Variants in SZT2 observed in about 807,000 individuals in gnomAD.
The protein encoded by SZT2 is SZT2 subunit of KICSTOR complex, also known as KICSTOR complex protein SZT2.
A neutral mutation model predicts 404.2 loss-of-function variants in SZT2; 216 were observed. The ratio of observed to expected loss-of-function variants is 0.53; its 90% CI spans 0.48 to 0.60. The LOEUF (loss-of-function observed/expected upper bound fraction) is 0.60. Ranked by LOEUF, SZT2 falls within the 20% of genes least tolerant of loss-of-function variation. The pLI is 0.00. For synonymous variants in SZT2, 1,693 were observed against 1,749.9 expected, an observed-to-expected ratio of 0.97 and a Z score of 0.81; for missense variants, 3,857 against 4,459.2, an observed-to-expected ratio of 0.86 and a Z score of 3.85.
chr1:43,415,156 C>T lies in SZT2; in HGVS notation c.573C>T (p.Cys191=), dbSNP rs948669800. Reference sequence around the variant, plus strand: ...TGCAGCAGATATATGAGCAGCTCTGCCTCTTTGAGGATAAGGTGGCCACCA... The same window carrying T: ...TGCAGCAGATATATGAGCAGCTCTGTCTCTTTGAGGATAAGGTGGCCACCA... ...VFLQQIYEQL[C]LFEDKVATML... is the part of the protein sequence containing the mutation. Residue 191 remains cysteine, a synonymous_variant, in exon 5 of 72, where the codon TGC becomes TGT. Transcript: ENST00000634258. 2.5e-6 allele frequency: 4 copies of T among 1,598,102 alleles called. No individual in the cohort carries two copies. The highest frequency in any genetic ancestry group is 3.4e-6 in the Non-Finnish European group (4 of 1,179,598).
Position 43,419,924 on chromosome 1 carries a change from T to C in SZT2, c.1070T>C (p.Leu357Pro). The change falls in exon 8 of 72, where the codon CTG (leucine) becomes CCG (proline). Residue 357 changes from leucine to proline, a missense_variant. This residue lies in a region of SZT2 where 536 missense variants were observed against 637.4 expected (regional missense o/e 0.84). Transcript: ENST00000634258. ...TCCTTCCTGCGCAGTGGGGAAGCAC[T>C]GAACCCTGAATATTACTGCGGTGAG... ...LYSFLRSGEALNPEYYCGSQH... is the reference protein window; with the variant it reads ...LYSFLRSGEAPNPEYYCGSQH... The C allele has an allele frequency of 1.3e-6, 2 of 1,598,274 alleles. No individual in the cohort carries two copies. Among genetic ancestry groups the C allele is most frequent in the Non-Finnish European group, 1.7e-6 (2 of 1,179,694 alleles).
chr1:43,439,832 G>GTA lies in SZT2; in HGVS notation c.7043-48_7043-47dup. ...TTGCTGTGGGAGGTAAGGGTGGTGA[G>GTA]TAGAGTGGGATCTAGGGACACCCTC... On this transcript the variant is annotated intron_variant, in intron 50 of 71. Transcript: ENST00000634258. This position sits in a 1 kb window ranked among gnomAD's most constrained non-coding sequence, Gnocchi z 4.2. The GTA allele has an allele frequency of 6.4e-7, 1 of 1,564,324 alleles. No homozygotes were observed. Among genetic ancestry groups the GTA allele is most frequent in the Non-Finnish European group, 8.7e-7 (1 of 1,153,692 alleles).
In SZT2 at chr1:43,419,883, G is replaced by C. The variant is rs1342301123; in HGVS notation, c.1029G>C (p.Arg343=). The C allele has an allele frequency of 6.3e-7, 1 of 1,598,416 alleles. No homozygotes were observed. The highest frequency in any genetic ancestry group is 8.5e-7 in the Non-Finnish European group (1 of 1,179,784). ...ACCTGGGTCTGACTGTCTACCACCGGGCATTTCTCCTCTATTCCTTCCTGC... is the reference window on the plus strand; with the variant it reads ...ACCTGGGTCTGACTGTCTACCACCGCGCATTTCTCCTCTATTCCTTCCTGC... ...PGNLGLTVYH[R]AFLLYSFLRS... The change falls in exon 8 of 72, where the codon CGG becomes CGC. Residue 343 remains arginine (R), a synonymous_variant. Coordinates refer to ENST00000634258, the MANE Select transcript of SZT2 (RefSeq NM_001365999.1).
In SZT2 at chr1:43,426,378, T is replaced by A; in HGVS notation, c.3054T>A (p.Gly1018=). ...GTGTGTGTCGGGCAGAGCCAGAGGG[T>A]GTCCCTTTCGCCGAGGGGTCCTGTC... ...FFLLLAREPE[G]VPFAEGSCPA... Residue 1018 remains glycine, a synonymous_variant, in exon 22 of 72, where the codon GGT becomes GGA. Transcript: ENST00000634258. This position sits in a 1 kb window ranked among gnomAD's most constrained non-coding sequence, Gnocchi z 4.9. 1 of 1,557,666 alleles carries A rather than the reference T, an allele frequency of 6.4e-7. No individual in the cohort carries two copies. The highest frequency in any genetic ancestry group is 8.6e-7 in the Non-Finnish European group (1 of 1,156,550).
intron 46 of SZT2, 120 bp downstream of exon 46, chr1:43,438,022 T>G: frequency 9.6e-7 from 1 of 1,047,088 alleles, no homozygotes; most frequent in Non-Finnish European, 1.4e-6. Flanking sequence ...GCCCAAGACC[T>G]GACACATGTT....
intron 15 of SZT2, 121 bp downstream of exon 15, chr1:43,423,437 T>C (rs1570634990): frequency 1.0e-6 from 1 of 975,216 alleles, no homozygotes; most frequent in Admixed American, 3.6e-5. Flanking sequence ...CTTAGTGGGG[T>C]ATGAGTGGTA....
chr1:43,390,080 G>C, intron 1 of SZT2, 85 bp downstream of exon 1: 1 of 1,335,406 alleles, frequency 7.5e-7, no homozygotes, highest in Non-Finnish European at 9.6e-7. Context: ...CCTCCTCTAG[G>C]TCTGGGGGTG....
chr1:43,437,451 AC>A lies in SZT2; in HGVS notation c.6235del (p.Arg2079GlyfsTer21). 1 of 1,614,076 alleles carries A rather than the reference AC, an allele frequency of 6.2e-7. No individual in the cohort carries two copies. Among genetic ancestry groups the A allele is most frequent in the Middle Eastern group, 1.6e-4 (1 of 6,062 alleles). ...RSVLNAFSVV[N>X]RKNMFVYQER... ...GTGCTCAATGCCTTCTCTGTGGTGAACCGGAAAAACATGTTTGTTTACCAGG... is the reference window on the plus strand; with the variant it reads ...GTGCTCAATGCCTTCTCTGTGGTGAACGGAAAAACATGTTTGTTTACCAGG... On this transcript the variant is annotated frameshift_variant, in exon 44 of 72. Transcript: ENST00000634258. LOFTEE classifies it high-confidence loss of function. This position sits in a 1 kb window ranked among gnomAD's most constrained non-coding sequence, Gnocchi z 5.3.
At chr1:43,392,928 T>C (rs1268069206) in intron 1 of SZT2, among the ~76,000 whole-genome samples, 1 of 152,208 alleles carries the variant, frequency 6.6e-6, no homozygotes, top group Non-Finnish European at 1.5e-5. Context: ...GGAGTCAGAA[T>C]TGTGCTAAGT....
intron 1 of SZT2, among the ~76,000 whole-genome samples, chr1:43,399,186 A>G (rs2153928664): frequency 6.6e-6 from 1 of 152,180 alleles, no homozygotes; most frequent in Non-Finnish European, 1.5e-5. Flanking sequence ...GTCCTGACTT[A>G]TAATTAATCA....
intron 35 of SZT2, 22 bp downstream of exon 35, chr1:43,431,545 C>A: frequency 6.2e-7 from 1 of 1,613,914 alleles, no homozygotes; most frequent in Non-Finnish European, 8.5e-7. Context: ...ACCCCCAACA[C>A]TGTAACTGAT....
Position 43,453,570 on chromosome 1 carries a change from C to G in SZT2, c.*3090C>G. 1 of 1,520,490 alleles carries G rather than the reference C, an allele frequency of 6.6e-7. No homozygotes were observed. Among genetic ancestry groups the G allele is most frequent in the Admixed American group, 2.1e-5 (1 of 47,668 alleles). The allele number at this position is 1,520,490 out of a possible 1,614,324, so 94.2% of individuals were successfully genotyped here. A position where few individuals can be genotyped will look rare whatever the true frequency, so the allele number is the denominator to read the frequency against. On this transcript the variant is annotated 3_prime_UTR_variant, in exon 72 of 72. Transcript: ENST00000634258. ...CGCGCCCCGGCACCCCCCAGCCCTC[C>G]CAGCCCTCCCGGCCCGCGACGCACC...
chr1:43,396,415 A>C (rs1173821008), intron 1 of SZT2, among the ~76,000 whole-genome samples: 1 of 152,238 alleles, frequency 6.6e-6, no homozygotes, highest in Non-Finnish European at 1.5e-5. Context: ...TCAAGACAAC[A>C]GATTTTAAGA....
rs751027868 is a variant in SZT2 at position 43,453,784 on chromosome 1, G to A, written c.*3304G>A. 2.7e-5 allele frequency: 35 copies of A among 1,283,808 alleles called. No individual in the cohort carries two copies. Among genetic ancestry groups the A allele is most frequent in the Non-Finnish European group, 3.2e-5 (33 of 1,018,698 alleles). 79.5% of individuals were successfully genotyped at this position (1,283,808 alleles called of 1,614,324 possible). On this transcript the variant is annotated 3_prime_UTR_variant, in exon 72 of 72. Coordinates refer to ENST00000634258, the MANE Select transcript of SZT2 (RefSeq NM_001365999.1). ...CAGGACAGATTGGCGGAGAAGCGCA[G>A]CGGCGCCATGCCTGGGGAGGCCGGG...
At chr1:43,443,154 G>T (rs1421691102) in intron 59 of SZT2, 34 bp from the exon 60 acceptor site, 5 of 1,613,866 alleles carry the variant, frequency 3.1e-6, no homozygotes, top group Admixed American at 1.7e-5. Context: ...GAGTGACAAT[G>T]CCTGGGGCTA....
chr1:43,409,824 G>A (rs1447830208), intron 4 of SZT2: 2 of 161,718 alleles, frequency 1.2e-5, no homozygotes. Flanking sequence ...TTGTTAAAAT[G>A]CCCACACTGC....
At position 43,426,032 on chromosome 1, in the gene SZT2, TC is replaced by T. The variant is rs769974739; in HGVS notation, c.2930-5del. The T allele has an allele frequency of 6.2e-7, 1 of 1,613,910 alleles. No individual in the cohort carries two copies. The highest frequency in any genetic ancestry group is 1.1e-5 in the South Asian group (1 of 91,056). On this transcript the variant is annotated splice_region_variant and splice_polypyrimidine_tract_variant and intron_variant, in intron 20 of 71. Coordinates refer to ENST00000634258, the MANE Select transcript of SZT2 (RefSeq NM_001365999.1). The surrounding 1 kb of genome is among the most constrained non-coding windows in gnomAD (Gnocchi z 4.9). Reference sequence around the variant, plus strand: ...CTCACTGTGTCCTGTCCTTCCTCCCTCGTAGGATTGGATCAGGGAGGAGACA... The same window carrying T: ...CTCACTGTGTCCTGTCCTTCCTCCCTGTAGGATTGGATCAGGGAGGAGACA...
intron 26 of SZT2, 97 bp from the exon 27 acceptor site, chr1:43,427,906 T>C (rs1653375245): frequency 7.7e-7 from 1 of 1,298,336 alleles, no homozygotes; most frequent in Admixed American, 2.0e-5. Flanking sequence ...ACACTTGATA[T>C]GTGTCTATAG....
Position 43,424,563 on chromosome 1 carries a change from C to G in SZT2, c.2471+131C>G, listed in dbSNP as rs1652913272. ...AGTCTGAAGTATAGAGCAGCATCTG[C>G]TACTGCCCTCCCTGTCTCCTCCCAT... On this transcript the variant is annotated intron_variant, in intron 16 of 71. Coordinates refer to ENST00000634258, the MANE Select transcript of SZT2 (RefSeq NM_001365999.1). This position sits in a 1 kb window ranked among gnomAD's most constrained non-coding sequence, Gnocchi z 4.1. 1 of 986,012 alleles carries G rather than the reference C, an allele frequency of 1.0e-6. No homozygotes were observed. The highest frequency in any genetic ancestry group is 1.6e-5 in the African/African-American group (1 of 62,122). 61.1% of individuals were successfully genotyped at this position (986,012 alleles called of 1,614,324 possible).
Sources: allele counts gnomAD v4.1 joint callset (sites outside exome capture counted in the v4.1 genomes callset), GRCh38; gene constraint gnomAD v4.1.1; regional missense constraint gnomAD v4.1.1; non-coding constraint Gnocchi (gnomAD v3.1); transcripts MANE v1.5; gene names NCBI Gene and HGNC (gene_info 2026-07-23, HGNC 2026-07-21).